Variants in ZNF841 observed in about 807,000 individuals in gnomAD.
ZNF841 encodes zinc finger protein 841.
ZNF841 carries 11 observed loss-of-function variants against 13.0 expected under a neutral mutation model. That is an observed-to-expected ratio of 0.85 (90% CI 0.53 to 1.40). ZNF841 has a LOEUF of 1.40. Ranked by LOEUF, ZNF841 falls within the 40% of genes most tolerant of loss-of-function variation. The pLI is 0.00. For missense variants in ZNF841, 1,068 were observed against 1,139.5 expected, an observed-to-expected ratio of 0.94 and a Z score of 0.90; for synonymous variants, 369 against 381.6, an observed-to-expected ratio of 0.97 and a Z score of 0.38.
downstream of ZNF841, among the ~76,000 whole-genome samples, chr19:52,060,211 C>T (rs1363719938): frequency 1.3e-5 from 2 of 152,214 alleles, no homozygotes; most frequent in African/African-American, 4.8e-5. Flanking sequence ...AAACAACTTG[C>T]AGTCAAGACC....
the ZNF841 span, among the ~76,000 whole-genome samples, chr19:52,059,348 T>TAAAA: frequency 1.2e-3 from 53 of 45,944 alleles, no homozygotes; most frequent in Middle Eastern, 0.015. Flanking sequence ...AGACTCTGTC[T>TAAAA]AAAAAAAAAA....
chr19:52,059,370 A>AAAAAAAAATATATATAT, the ZNF841 span, among the ~76,000 whole-genome samples: 4 of 69,648 alleles, frequency 5.7e-5, no homozygotes, highest in African/African-American at 1.6e-4. Flanking sequence ...AAAAAAAAAA[A>AAAAAAAAATATATATAT]ATATATATAT....
Position 52,065,605 on chromosome 19 carries a change from A to C in ZNF841, c.2277T>G (p.His759Gln). The change falls in exon 7 of 7, where the codon CAT becomes CAG. Residue 759 changes from histidine (H) to glutamine (Q), a missense_variant. Physicochemically the swap from His to Gln is conservative, Grantham distance 24. Transcript: ENST00000594440. The stretch of plus-strand genomic sequence containing the variant: ...TACATTTGTAAGGTTTCTCTCCAGT[A>C]TGAATTCTCCGATGCCTTGCCAGGG... Reference protein sequence around the residue: ...TTTLARHRRIHTGEKPYKCNE... With the variant: ...TTTLARHRRIQTGEKPYKCNE... The C allele has an allele frequency of 6.2e-7, 1 of 1,613,346 alleles. No homozygotes were observed. The highest frequency in any genetic ancestry group is 8.5e-7 in the Non-Finnish European group (1 of 1,179,616).
chr19:52,077,148 AAGAGG>A (rs2087929411), intron 4 of ZNF841, 64 bp from the exon 5 acceptor site: 2 of 1,504,994 alleles, frequency 1.3e-6, no homozygotes, highest in Admixed American at 2.1e-5. Flanking sequence ...ATAAAATGAG[AAGAGG>A]AGAGAACTGT....
At position 52,066,272 on chromosome 19, in the gene ZNF841, C is replaced by T; in HGVS notation, c.1610G>A (p.Gly537Glu). ...CACATTACATTTGTAAGGTTTCTCT[C>T]CGGTATGAATTCTCTGATGTACAGT... ...LLTVHQRIHT[G>E]EKPYKCNVCG... Residue 537 changes from glycine to glutamate, a missense_variant, in exon 7 of 7, where the codon GGA (glycine) becomes GAA (glutamate). By Grantham distance (98) the Gly-to-Glu change is moderately conservative. Transcript: ENST00000594440. The T allele has an allele frequency of 6.2e-7, 1 of 1,614,010 alleles. No homozygotes were observed. Among genetic ancestry groups the T allele is most frequent in the Non-Finnish European group, 8.5e-7 (1 of 1,179,932 alleles).
downstream of ZNF841, among the ~76,000 whole-genome samples, chr19:52,060,625 A>T (rs981661757): frequency 5.3e-5 from 8 of 150,498 alleles, no homozygotes; most frequent in Non-Finnish European, 1.2e-4. Flanking sequence ...GACTGGGGCC[A>T]CTCTCTGGTA....
At position 52,067,562 on chromosome 19, in the gene ZNF841, C is replaced by A; in HGVS notation, c.320G>T (p.Ser107Ile). ...VIKELPPIQN[S>I]NTGEKFQAVM... ...TGCTTGGAATTTTTCTCCTGTGTTA[C>A]TGTTCTGTATTGGTGGTAATTCCTT... Residue 107 changes from serine to isoleucine, a missense_variant, in exon 7 of 7, where the codon AGT becomes ATT. Coordinates refer to ENST00000594440, the MANE Select transcript of ZNF841 (RefSeq NM_001136499.2). 1 of 1,597,434 alleles carries A rather than the reference C, an allele frequency of 6.3e-7. No individual in the cohort carries two copies. Among genetic ancestry groups the A allele is most frequent in the Non-Finnish European group, 8.5e-7 (1 of 1,173,896 alleles).
rs2087566311 is a variant in ZNF841 at position 52,066,474 on chromosome 19, A to G, written c.1408T>C (p.Ser470Pro). The change falls in exon 7 of 7, where the codon TCA becomes CCA. Residue 470 changes from serine to proline, a missense_variant. Transcript: ENST00000594440. ...ATTCTCCGGTGCCCTGCAAGACGTG[A>G]ACGTTGAAAGAAGACCTTGCCACAT... ...NECGKVFFQRSRLAGHRRIHT... is the reference protein window; with the variant it reads ...NECGKVFFQRPRLAGHRRIHT... The G allele has an allele frequency of 1.2e-6, 2 of 1,613,854 alleles. No individual in the cohort carries two copies. Among genetic ancestry groups the G allele is most frequent in the African/African-American group, 1.3e-5 (1 of 74,980 alleles).
chr19:52,085,894 TTTTC>T, intron 3 of ZNF841, among the ~76,000 whole-genome samples: 1 of 152,328 alleles, frequency 6.6e-6, no homozygotes, highest in South Asian at 2.1e-4. Context: ...TAAACATAAC[TTTTC>T]TTTATCACAT....
intron 4 of ZNF841, among the ~76,000 whole-genome samples, chr19:52,083,725 T>C (rs1416041284): frequency 2.6e-5 from 4 of 152,048 alleles, no homozygotes; most frequent in African/African-American, 9.7e-5. Context: ...CAAATTTTAT[T>C]GTGTATATTT....
intron 4 of ZNF841, among the ~76,000 whole-genome samples, chr19:52,082,856 G>A (rs529872672): frequency 3.9e-5 from 6 of 152,130 alleles, no homozygotes; most frequent in African/African-American, 1.2e-4. Context: ...TGAGGCAGGC[G>A]GATCACTAGG....
chr19:52,075,700 C>T (rs2087876720), intron 6 of ZNF841, among the ~76,000 whole-genome samples: 1 of 152,152 alleles, frequency 6.6e-6, no homozygotes, highest in African/African-American at 2.4e-5. Context: ...AACTGAGGAT[C>T]AGATGGAATC....
chr19:52,083,790 A>T (rs1359569047), intron 4 of ZNF841, among the ~76,000 whole-genome samples: 1 of 151,540 alleles, frequency 6.6e-6, no homozygotes, highest in Non-Finnish European at 1.5e-5. Flanking sequence ...CAGTTTAACA[A>T]ATTAGTATAT....
intron 5 of ZNF841, 47 bp from the exon 6 acceptor site, chr19:52,076,219 C>T (rs1271163544): frequency 6.5e-7 from 1 of 1,540,078 alleles, no homozygotes; most frequent in East Asian, 2.5e-5. Flanking sequence ...TTTCCAGAAC[C>T]CAGCCTAATG....
chr19:52,061,788 TG>T (rs1300831938), downstream of ZNF841, among the ~76,000 whole-genome samples: 1 of 152,048 alleles, frequency 6.6e-6, no homozygotes, highest in African/African-American at 2.4e-5. Flanking sequence ...TCAGGTGATC[TG>T]CCCAGCTCGG....
chr19:52,078,341 C>T (rs2087975018), intron 4 of ZNF841, among the ~76,000 whole-genome samples: 1 of 151,888 alleles, frequency 6.6e-6, no homozygotes, highest in South Asian at 2.1e-4. Flanking sequence ...ACACATAATA[C>T]ATTACTATTC....
In ZNF841 at chr19:52,065,511, T is replaced by TAC; in HGVS notation, c.2370_2371insGT (p.Lys791ValfsTer24). The TAC allele has an allele frequency of 6.2e-7, 1 of 1,614,154 alleles. No homozygotes were observed. Among genetic ancestry groups the TAC allele is most frequent in the South Asian group, 1.1e-5 (1 of 91,082 alleles). ...CCACACTCATTACATTTGTAAGGTT[T>TAC]CTCTCCAGTATGAATACTCCAATGA... On this transcript the variant is annotated frameshift_variant, in exon 7 of 7. Transcript: ENST00000594440. LOFTEE classifies it low-confidence loss of function (END_TRUNC).
rs1225331357 is a variant in ZNF841 at position 52,093,859 on chromosome 19, T to C, written c.-157A>G. ...GCGAAGACATACCTTGTAGGCCTAG[T>C]GTGGTGGCTCACATCTGTAATTCCA... On this transcript the variant is annotated 5_prime_UTR_variant, in exon 2 of 7. Coordinates refer to ENST00000594440, the MANE Select transcript of ZNF841 (RefSeq NM_001136499.2). The C allele has an allele frequency of 1.3e-5, 2 of 152,084 alleles. No homozygotes were observed. Among genetic ancestry groups the C allele is most frequent in the Non-Finnish European group, 2.9e-5 (2 of 68,018 alleles). The allele number at this position is 152,084 out of a possible 1,614,324, so 9.4% of individuals were successfully genotyped here.
At chr19:52,078,349 T>C (rs1600092809) in intron 4 of ZNF841, among the ~76,000 whole-genome samples, 1 of 151,946 alleles carries the variant, frequency 6.6e-6, no homozygotes. Flanking sequence ...TACATTACTA[T>C]TCATAAAACT....
Sources: allele counts gnomAD v4.1 joint callset (sites outside exome capture counted in the v4.1 genomes callset), GRCh38; gene constraint gnomAD v4.1.1; transcripts MANE v1.5; gene names NCBI Gene and HGNC (gene_info 2026-07-23, HGNC 2026-07-21).